The following ATXN2 variants were observed in gnomAD, a reference collection of about 807,000 sequenced individuals.
ATXN2 encodes ataxin-2.
A neutral mutation model predicts 138.6 loss-of-function variants in ATXN2; 37 were observed. That is an observed-to-expected ratio of 0.27 (90% CI 0.21 to 0.35). The LOEUF (loss-of-function observed/expected upper bound fraction) is 0.35, where lower values mean the gene tolerates loss of function less well. Among genes scored for constraint, ATXN2 ranks in the 10% least tolerant of loss-of-function variants. The pLI is 1.00. For missense variants in ATXN2, 1,216 were observed against 1,480.3 expected (o/e 0.82, Z 2.93); for synonymous variants, 549 against 543.7 (o/e 1.01, Z -0.13).
chr12:111,555,873 A>G lies in ATXN2; in HGVS notation c.288+10T>C. On this transcript the variant is annotated intron_variant, in intron 2 of 24. Transcript: ENST00000673436. ...AATTTTCCCCAATAAGTAACATTAA[A>G]GTTACTCACCGTAGACTGAGGCAGT... The G allele has an allele frequency of 6.3e-7, 1 of 1,593,786 alleles. No homozygotes were observed. Among genetic ancestry groups the G allele is most frequent in the Non-Finnish European group, 8.5e-7 (1 of 1,170,398 alleles).
At chr12:111,565,701 A>G (rs1882965007) in intron 1 of ATXN2, among the ~76,000 whole-genome samples, 1 of 152,086 alleles carries the variant, frequency 6.6e-6, no homozygotes, top group Non-Finnish European at 1.5e-5. Context: ...CAATATTGAA[A>G]TTAGGCCAAT....
chr12:111,598,978 T>TGTTGCTGC lies in ATXN2; in HGVS notation c.56_57insGCAGCAAC (p.Gln22HisfsTer27). On this transcript the variant is annotated frameshift_variant, in exon 1 of 25. Transcript: ENST00000673436. LOFTEE classifies it high-confidence loss of function. The surrounding 1 kb of genome is among the most constrained non-coding windows in gnomAD (Gnocchi z 4.5). ...GCTGCTGCTGCTGCTGCTGCTGCTG[T>TGTTGCTGC]TGCTGCTGCTGCTGCTGCTGCTGCT... is the stretch of plus-strand genomic sequence containing the variant. 7.7e-7 allele frequency: 1 copy of TGTTGCTGC among 1,292,184 alleles called. No individual in the cohort carries two copies. 80.0% of individuals were successfully genotyped at this position (1,292,184 alleles called of 1,614,324 possible).
intron 14 of ATXN2, among the ~76,000 whole-genome samples, chr12:111,496,535 C>CA (rs966541872): frequency 6.0e-5 from 9 of 151,154 alleles, no homozygotes; most frequent in Non-Finnish European, 5.9e-5. Flanking sequence ...GACTCCATCT[C>CA]AAAAAAACAA....
chr12:111,458,367 A>T (rs1875286971), intron 21 of ATXN2: 2 of 152,228 alleles, frequency 1.3e-5, no homozygotes, highest in South Asian at 4.1e-4. Flanking sequence ...ACCTCAAATG[A>T]TCCGCCCACT....
Position 111,456,275 on chromosome 12 carries a change from G to C in ATXN2, c.3043-19C>G, listed in dbSNP as rs935531450. On this transcript the variant is annotated intron_variant, in intron 22 of 24. Coordinates refer to ENST00000673436, the MANE Select transcript of ATXN2 (RefSeq NM_001372574.1). ...GATGGTGCTGCAAAGCGACAGGAAA[G>C]AATTGAGAGGAAAACTTCTTTAATG... 4.3e-6 allele frequency: 7 copies of C among 1,612,906 alleles called. No individual in the cohort carries two copies. The highest frequency in any genetic ancestry group is 1.3e-5 in the African/African-American group (1 of 74,914).
intron 5 of ATXN2, among the ~76,000 whole-genome samples, chr12:111,537,928 A>C (rs1448961736): frequency 6.6e-6 from 1 of 151,980 alleles, no homozygotes; most frequent in Admixed American, 6.6e-5. Flanking sequence ...AGACCTCATC[A>C]AACAAAAAAT....
chr12:111,575,555 C>CA (rs1467406907), intron 1 of ATXN2, among the ~76,000 whole-genome samples: 1 of 152,042 alleles, frequency 6.6e-6, no homozygotes, highest in African/African-American at 2.4e-5. Flanking sequence ...ATCAGCATCT[C>CA]AAACACCTCA....
intron 5 of ATXN2, among the ~76,000 whole-genome samples, chr12:111,527,185 T>C (rs1880550001): frequency 6.6e-6 from 1 of 152,196 alleles, no homozygotes; most frequent in Non-Finnish European, 1.5e-5. Flanking sequence ...GCTCTGTAGA[T>C]ACAGGCTTGC....
chr12:111,589,937 G>A (rs548276838), intron 1 of ATXN2, among the ~76,000 whole-genome samples: 59 of 152,080 alleles, frequency 3.9e-4, no homozygotes, highest in African/African-American at 1.2e-3. Context: ...AAGGCGAGGC[G>A]CAGTGGCTCA....
intron 1 of ATXN2, among the ~76,000 whole-genome samples, chr12:111,589,570 G>A (rs572674403): frequency 3.3e-4 from 50 of 151,732 alleles, no homozygotes; most frequent in Non-Finnish European, 5.7e-4. Context: ...TCGGGAGTTC[G>A]AGACCAGCCT....
intron 18 of ATXN2, among the ~76,000 whole-genome samples, chr12:111,482,491 A>C (rs7965040): frequency 0.31 from 46,837 of 151,762 alleles, 9,144 homozygotes; most frequent in African/African-American, 0.56. Flanking sequence ...CCGTGCCCAG[A>C]CTCTGAGTAT....
intron 11 of ATXN2, 167 bp from the exon 12 acceptor site, chr12:111,510,749 A>C (rs1029989150): frequency 1.9e-6 from 1 of 525,470 alleles, no homozygotes; most frequent in Non-Finnish European, 3.2e-6. Flanking sequence ...ATTTGCTGGC[A>C]ATCAAAACCA....
chr12:111,465,412 AGTT>A (rs1875919751), intron 20 of ATXN2, among the ~76,000 whole-genome samples: 1 of 152,074 alleles, frequency 6.6e-6, no homozygotes, highest in Non-Finnish European at 1.5e-5. Flanking sequence ...TAGTCGGAAA[AGTT>A]GTATTATTAC....
chr12:111,506,193 G>C (rs1879093950), intron 14 of ATXN2, among the ~76,000 whole-genome samples: 1 of 152,176 alleles, frequency 6.6e-6, no homozygotes, highest in Admixed American at 6.5e-5. Flanking sequence ...TTAGGGTTGG[G>C]AGTAGGGGAA....
intron 18 of ATXN2, among the ~76,000 whole-genome samples, chr12:111,484,584 G>A (rs1877507590): frequency 6.6e-6 from 1 of 151,918 alleles, no homozygotes; most frequent in Non-Finnish European, 1.5e-5. Flanking sequence ...CAGGCGGCAG[G>A]TGCCACCATG....
chr12:111,473,067 G>A (rs960088509), intron 18 of ATXN2, among the ~76,000 whole-genome samples: 1 of 151,792 alleles, frequency 6.6e-6, no homozygotes, highest in African/African-American at 2.4e-5. Flanking sequence ...GAGCTCAGGA[G>A]TTCGACACCA....
At chr12:111,558,952 T>TAAAA (rs11439568) in intron 1 of ATXN2, among the ~76,000 whole-genome samples, 4 of 141,410 alleles carry the variant, frequency 2.8e-5, no homozygotes, top group African/African-American at 5.2e-5. Context: ...CAATTTCCCT[T>TAAAA]AAAAAAAAAA....
At chr12:111,490,787 G>A (rs911235443) in intron 14 of ATXN2, among the ~76,000 whole-genome samples, 1 of 152,138 alleles carries the variant, frequency 6.6e-6, no homozygotes, top group Non-Finnish European at 1.5e-5. Context: ...GTGGGGTGGA[G>A]AAAGAATCTG....
At chr12:111,573,299 T>C in intron 1 of ATXN2, among the ~76,000 whole-genome samples, 1 of 152,182 alleles carries the variant, frequency 6.6e-6, no homozygotes, top group Non-Finnish European at 1.5e-5. Flanking sequence ...TTCAAGCGAT[T>C]CTCCTTGCCT....
Sources: gnomAD v4.1 joint callset for allele counts (sites outside exome capture counted in the v4.1 genomes callset) on GRCh38, gnomAD v4.1.1 for gene constraint, Gnocchi (gnomAD v3.1) non-coding constraint, MANE v1.5 for transcripts, NCBI Gene and HGNC (gene_info 2026-07-23, HGNC 2026-07-21) for gene names.